Variants in NFAT5 observed in about 807,000 individuals in gnomAD.
The protein encoded by NFAT5 is nuclear factor of activated T cells 5.
Under a neutral mutation model 166.5 loss-of-function variants are expected in NFAT5, and 31 were observed. The ratio of observed to expected loss-of-function variants is 0.19; its 90% CI spans 0.14 to 0.25. NFAT5 has a LOEUF of 0.25. Ranked by LOEUF, NFAT5 falls within the 10% of genes least tolerant of loss-of-function variation. The probability of loss-of-function intolerance (pLI) is 1.00; values close to 1 mark genes in which losing one functional copy is unlikely to be tolerated. For missense variants in NFAT5, 1,449 were observed against 1,821.8 expected (o/e 0.80, Z 3.72); for synonymous variants, 612 against 639.7 (o/e 0.96, Z 0.65).
chr16:69,596,176 T>G (rs1489580998), intron 2 of NFAT5, among the ~76,000 whole-genome samples: 1 of 152,212 alleles, frequency 6.6e-6, no homozygotes, highest in Admixed American at 6.6e-5. Context: ...CTTGTAACTT[T>G]AGTAGGCTGA....
At chr16:69,568,387 TATATATAC>T (rs745650816) in intron 1 of NFAT5, 100 bp from the exon 2 acceptor site, 7 of 462,320 alleles carry the variant, frequency 1.5e-5, no homozygotes, top group African/African-American at 1.2e-4. Context: ...TATATATATA[TATATATAC>T]ACACACACAC....
intron 2 of NFAT5, among the ~76,000 whole-genome samples, chr16:69,612,099 ATAATAT>A (rs1484804878): frequency 6.6e-6 from 1 of 152,242 alleles, no homozygotes; most frequent in African/African-American, 2.4e-5. Flanking sequence ...TGTTTCTGAA[ATAATAT>A]TAAAATTAGA....
At chr16:69,688,637 G>C (rs1480438366) in intron 11 of NFAT5, among the ~76,000 whole-genome samples, 5 of 152,104 alleles carry the variant, frequency 3.3e-5, no homozygotes, top group Non-Finnish European at 7.4e-5. Flanking sequence ...AAATTGCTGG[G>C]ATTACAGGCA....
intron 2 of NFAT5, among the ~76,000 whole-genome samples, chr16:69,621,871 G>C (rs1215493359): frequency 2.0e-5 from 3 of 152,134 alleles, no homozygotes; most frequent in Admixed American, 2.0e-4. Context: ...GCTGCAGCAG[G>C]AGGATCTCTT....
rs557580767 is a variant in NFAT5, at chr16:69,612,767, G to T, written c.128-13636G>T. Among the ~76,000 whole-genome samples, 3 of 151,894 alleles carry T rather than the reference G, an allele frequency of 2.0e-5. No homozygotes were observed. The South Asian group carries it at 6.3e-4, about 32-fold the overall frequency. On this transcript the variant is annotated intron_variant, in intron 2 of 14. Coordinates refer to ENST00000349945, the MANE Select transcript of NFAT5 (RefSeq NM_138713.4). Reference sequence around the variant, plus strand: ...CACACACCTGTGGTCCCAGCTACTCGGGAGGCTGAGGTAGGAGGATCAGTT... The same window carrying T: ...CACACACCTGTGGTCCCAGCTACTCTGGAGGCTGAGGTAGGAGGATCAGTT...
At chr16:69,663,051 G>A (rs1334326680) in intron 7 of NFAT5, among the ~76,000 whole-genome samples, 1 of 152,156 alleles carries the variant, frequency 6.6e-6, no homozygotes. Flanking sequence ...AGGTAAAAAG[G>A]AAATTGGTTA....
intron 5 of NFAT5, among the ~76,000 whole-genome samples, chr16:69,654,975 T>C (rs939368184): frequency 6.6e-6 from 1 of 152,210 alleles, no homozygotes; most frequent in Non-Finnish European, 1.5e-5. Context: ...AAATATTTAT[T>C]TATTTTTCAG....
intron 3 of NFAT5, among the ~76,000 whole-genome samples, chr16:69,643,123 G>A (rs113954946): frequency 9.2e-5 from 14 of 151,620 alleles, no homozygotes; most frequent in African/African-American, 2.9e-4. Flanking sequence ...AGGCTAAGGC[G>A]GGAGAATCAC....
chr16:69,660,081 A>G (rs1393863430), intron 7 of NFAT5, among the ~76,000 whole-genome samples, 182 bp downstream of exon 7: 1 of 152,246 alleles, frequency 6.6e-6, no homozygotes, highest in African/African-American at 2.4e-5. Flanking sequence ...TACTTGGGAT[A>G]CAATTCAAAA....
chr16:69,693,750 T>C lies in NFAT5; in HGVS notation c.3925T>C (p.Phe1309Leu), dbSNP rs1316385494. Reference sequence around the variant, plus strand: ...AAAGCAACCACCACCAAACATGATATTCAACCCAAATCAAAATCCAATGGC... The same window carrying C: ...AAAGCAACCACCACCAAACATGATACTCAACCCAAATCAAAATCCAATGGC... Reference protein sequence around the residue: ...SPKQPPPNMIFNPNQNPMANQ... With the variant: ...SPKQPPPNMILNPNQNPMANQ... The change falls in exon 13 of 15, where the codon TTC becomes CTC. Residue 1309 changes from phenylalanine (F) to leucine (L), a missense_variant. Physicochemically the swap from Phe to Leu is conservative, Grantham distance 22. Around this residue, in one of 7 missense-constraint regions of NFAT5, gnomAD observed 891 missense variants for 993.0 expected, o/e 0.90. Transcript: ENST00000349945. The C allele has an allele frequency of 6.2e-7, 1 of 1,614,182 alleles. No individual in the cohort carries two copies. Among genetic ancestry groups the C allele is most frequent in the African/African-American group, 1.3e-5 (1 of 75,036 alleles).
chr16:69,585,226 G>A (rs2031977270), intron 2 of NFAT5, among the ~76,000 whole-genome samples: 2 of 151,764 alleles, frequency 1.3e-5, no homozygotes, highest in Admixed American at 1.3e-4. Context: ...GGCCAGGATG[G>A]TCTTGATCCC....
chr16:69,592,314 A>G (rs1428866918), intron 2 of NFAT5, among the ~76,000 whole-genome samples: 1 of 152,006 alleles, frequency 6.6e-6, no homozygotes, highest in African/African-American at 2.4e-5. Flanking sequence ...TCATGACCTC[A>G]AGTGATCCAC....
At chr16:69,600,161 AAAC>A (rs1179806796) in intron 2 of NFAT5, among the ~76,000 whole-genome samples, 41 of 152,280 alleles carry the variant, frequency 2.7e-4, no homozygotes, top group African/African-American at 7.9e-4. Flanking sequence ...AAAAAAAAAA[AAAC>A]AAGATATTTC....
intron 2 of NFAT5, among the ~76,000 whole-genome samples, chr16:69,584,312 C>T (rs2142940679): frequency 6.7e-6 from 1 of 149,658 alleles, no homozygotes; most frequent in African/African-American, 2.4e-5. Flanking sequence ...TGTATTTGTT[C>T]TGTGTCTCTT....
Position 69,699,037 on chromosome 16 carries a change from G to A in NFAT5, c.*2686G>A, listed in dbSNP as rs1172350422. 1 of 152,670 alleles carries A rather than the reference G, an allele frequency of 6.6e-6. No individual in the cohort carries two copies. Among genetic ancestry groups the A allele is most frequent in the East Asian group, 1.9e-4 (1 of 5,184 alleles). 9.5% of individuals were successfully genotyped at this position (152,670 alleles called of 1,614,324 possible). A position where few individuals can be genotyped will look rare whatever the true frequency, so the allele number is the denominator to read the frequency against. ...AATGTAAAATTCTAACCCTAAAGTA[G>A]GGTTGGTTGAAATTTCAGACAAAGC... On this transcript the variant is annotated 3_prime_UTR_variant, in exon 15 of 15. Coordinates refer to ENST00000349945, the MANE Select transcript of NFAT5 (RefSeq NM_138713.4).
rs748555197 is a variant in NFAT5 at position 69,647,127 on chromosome 16, G to A, written c.353G>A (p.Ser118Asn). ...PTIYSTSVTD[S>N]KAMQVESCSS... ...ATTTATTCTACCTCAGTCACCGACA[G>A]CAAGGCTATGCAAGTGGAGAGCTGC... The change falls in exon 4 of 15, where the codon AGC becomes AAC. Residue 118 changes from serine (S) to asparagine (N), a missense_variant. Ser to Asn is a conservative substitution (Grantham distance 46). Around this residue, in one of 7 missense-constraint regions of NFAT5, gnomAD observed 172 missense variants for 194.5 expected, o/e 0.88. Coordinates refer to ENST00000349945, the MANE Select transcript of NFAT5 (RefSeq NM_138713.4). The surrounding 1 kb of genome is among the most constrained non-coding windows in gnomAD (Gnocchi z 4.8). 3.1e-6 allele frequency: 5 copies of A among 1,614,006 alleles called. No individual in the cohort carries two copies. The South Asian group carries it at 4.4e-5, about 14-fold the overall frequency.
At chr16:69,616,940 C>G (rs901958267) in intron 2 of NFAT5, among the ~76,000 whole-genome samples, 1 of 129,944 alleles carries the variant, frequency 7.7e-6, no homozygotes, top group African/African-American at 2.8e-5. Flanking sequence ...GTCCAAAGTT[C>G]TTTTTTTTTT....
Position 69,647,004 on chromosome 16 carries a change from T to C in NFAT5, c.254-24T>C. On this transcript the variant is annotated intron_variant, in intron 3 of 14. Coordinates refer to ENST00000349945, the MANE Select transcript of NFAT5 (RefSeq NM_138713.4). The surrounding 1 kb of genome is among the most constrained non-coding windows in gnomAD (Gnocchi z 4.8). ...ATAGGTGAAAACATGTATAGTGTATTTACTCTTGAATTGTACACTGCAGAT... is the reference window on the plus strand; with the variant it reads ...ATAGGTGAAAACATGTATAGTGTATCTACTCTTGAATTGTACACTGCAGAT... 6.6e-7 allele frequency: 1 copy of C among 1,521,204 alleles called. No homozygotes were observed. Among genetic ancestry groups the C allele is most frequent in the South Asian group, 1.3e-5 (1 of 76,684 alleles). The allele number at this position is 1,521,204 out of a possible 1,614,324, so 94.2% of individuals were successfully genotyped here. A position where few individuals can be genotyped will look rare whatever the true frequency, so the allele number is the denominator to read the frequency against.
intron 11 of NFAT5, among the ~76,000 whole-genome samples, chr16:69,689,136 G>A (rs1037513039): frequency 9.9e-5 from 15 of 152,110 alleles, no homozygotes; most frequent in African/African-American, 3.1e-4. Context: ...AATTAGTCAG[G>A]CATGGTGGTG....
Sources: allele counts gnomAD v4.1 joint callset (sites outside exome capture counted in the v4.1 genomes callset), GRCh38; gene constraint gnomAD v4.1.1; regional missense constraint gnomAD v4.1.1; non-coding constraint Gnocchi (gnomAD v3.1); transcripts MANE v1.5; gene names NCBI Gene and HGNC (gene_info 2026-07-23, HGNC 2026-07-21).